Variants in FOXP4 observed in about 807,000 individuals in gnomAD.
FOXP4 encodes the protein forkhead box protein P4.
Under a neutral mutation model 82.6 loss-of-function variants are expected in FOXP4, and 25 were observed. The ratio of observed to expected loss-of-function variants is 0.30; its 90% CI spans 0.22 to 0.42. FOXP4 has a LOEUF of 0.42. FOXP4 is among the 10% of genes least tolerant of loss of function. The pLI, the probability that FOXP4 is intolerant of heterozygous loss-of-function variation, is 1.00. For synonymous variants in FOXP4, 415 were observed against 388.2 expected (o/e 1.07, Z -0.81); for missense variants, 785 against 900.9 (o/e 0.87, Z 1.65).
chr6:41,561,798 C>T (rs1385836438), intron 1 of FOXP4, among the ~76,000 whole-genome samples: 3 of 152,160 alleles, frequency 2.0e-5, no homozygotes, highest in Admixed American at 6.5e-5. Context: ...TGAGAAGAGA[C>T]CTTCAGGACC....
intron 5 of FOXP4, among the ~76,000 whole-genome samples, chr6:41,586,023 A>T (rs1581768280): frequency 6.7e-6 from 1 of 149,540 alleles, no homozygotes; most frequent in Non-Finnish European, 1.5e-5. Flanking sequence ...TACATCCCCT[A>T]CCCCATCGGA....
intron 1 of FOXP4, among the ~76,000 whole-genome samples, chr6:41,549,455 C>CGGAA (rs1763874052): frequency 6.6e-6 from 1 of 152,126 alleles, no homozygotes; most frequent in Non-Finnish European, 1.5e-5. Context: ...CGAAAACTTC[C>CGGAA]GTTCTGGCTG....
In FOXP4 at chr6:41,599,100, T is replaced by A; in HGVS notation, c.*164T>A. 1 of 952,072 alleles carries A rather than the reference T, an allele frequency of 1.1e-6. No homozygotes were observed. The highest frequency in any genetic ancestry group is 1.5e-6 in the Non-Finnish European group (1 of 652,880). The allele number at this position is 952,072 out of a possible 1,614,324, so 59.0% of individuals were successfully genotyped here. A position where few individuals can be genotyped will look rare whatever the true frequency, so the allele number is the denominator to read the frequency against. On this transcript the variant is annotated 3_prime_UTR_variant, in exon 17 of 17. Coordinates refer to ENST00000307972, the MANE Select transcript of FOXP4 (RefSeq NM_001012426.2). ...CCCAGTGTGACCTGACAAAAACACG[T>A]AGGGGCAGGGACGGTCCCCACCCCC...
At chr6:41,547,777 A>ACCCCCCCCCC (rs150273164) in intron 1 of FOXP4, among the ~76,000 whole-genome samples, 3 of 133,332 alleles carry the variant, frequency 2.3e-5, no homozygotes, top group South Asian at 2.5e-4. Flanking sequence ...ACCGAGCAGG[A>ACCCCCCCCCC]CCCCCCCCCG....
At chr6:41,584,335 G>A (rs996511253) in intron 3 of FOXP4, among the ~76,000 whole-genome samples, 2 of 152,218 alleles carry the variant, frequency 1.3e-5, no homozygotes, top group Non-Finnish European at 2.9e-5. Flanking sequence ...AATAGACTGC[G>A]TGAGACTATG....
chr6:41,599,316 A>C lies in FOXP4; in HGVS notation c.*380A>C. 1.2e-5 allele frequency: 2 copies of C among 169,686 alleles called. No homozygotes were observed. Among genetic ancestry groups the C allele is most frequent in the East Asian group, 1.7e-4 (1 of 5,806 alleles). 10.5% of individuals were successfully genotyped at this position (169,686 alleles called of 1,614,324 possible). On this transcript the variant is annotated 3_prime_UTR_variant, in exon 17 of 17. Transcript: ENST00000307972. The stretch of plus-strand genomic sequence containing the variant: ...GCAGGCGGGGCTTAGCCACCCCTCA[A>C]ACCCAGGGCCCCCTGGCACCTGGCT...
chr6:41,591,791 G>T lies in FOXP4; in HGVS notation c.1536+469G>T, dbSNP rs17704650. Among the ~76,000 whole-genome samples the T allele has an allele frequency of 0.024, 3,652 of 152,294 alleles. 73 individuals carry two copies. Among genetic ancestry groups the T allele is most frequent in the Middle Eastern group, 0.058 (17 of 294 alleles). ...GACCAAGAGCCGTGGACCACACATT[G>T]GGGCACTGACGGCACTCACAGCCCT... is the stretch of plus-strand genomic sequence containing the variant. On this transcript the variant is annotated intron_variant, in intron 13 of 16. Coordinates refer to ENST00000307972, the MANE Select transcript of FOXP4 (RefSeq NM_001012426.2). This position sits in a 1 kb window ranked among gnomAD's most constrained non-coding sequence, Gnocchi z 4.2.
chr6:41,592,514 C>G (rs910434021), intron 13 of FOXP4, among the ~76,000 whole-genome samples: 2 of 152,238 alleles, frequency 1.3e-5, no homozygotes, highest in African/African-American at 2.4e-5. Flanking sequence ...AGTCTCCAAC[C>G]TCCAAGTCAG....
At position 41,584,798 on chromosome 6, in the gene FOXP4, G is replaced by A. The variant is rs745997904; in HGVS notation, c.330G>A (p.Pro110=). The part of the protein sequence containing the change: ...QVPVSVAMMS[P]QMLTPQQMQQ... ...CTGTGTCGGTGGCCATGATGTCGCC[G>A]CAGATGCTTACCCCGCAACAGATGC... The change falls in exon 4 of 17, where the codon CCG becomes CCA. Residue 110 remains proline, a synonymous_variant. Transcript: ENST00000307972. 1.9e-5 allele frequency: 30 copies of A among 1,599,920 alleles called. No homozygotes were observed. The highest frequency in any genetic ancestry group is 2.7e-5 in the African/African-American group (2 of 74,620).
Position 41,590,366 on chromosome 6 carries a change from A to G in FOXP4, c.1434+19A>G. The G allele has an allele frequency of 3.1e-6, 5 of 1,612,674 alleles. No homozygotes were observed. The highest frequency in any genetic ancestry group is 4.2e-6 in the Non-Finnish European group (5 of 1,179,532). On this transcript the variant is annotated intron_variant, in intron 12 of 16. Transcript: ENST00000307972. ...CCGCCAGGTGAGCAGGGCAGGTAGG[A>G]GGAGGGTGGGGAATGGCACACAGGC...
intron 1 of FOXP4, 104 bp from the exon 2 acceptor site, chr6:41,565,641 C>G: frequency 1.9e-6 from 2 of 1,049,546 alleles, no homozygotes; most frequent in East Asian, 2.4e-5. Context: ...GAAGTAGATG[C>G]CCAGCTACTC....
chr6:41,598,049 C>T, intron 16 of FOXP4, 99 bp downstream of exon 16: 2 of 981,004 alleles, frequency 2.0e-6, no homozygotes, highest in Non-Finnish European at 1.4e-6. Flanking sequence ...CATCCCACCC[C>T]CACCACGCCT....
At chr6:41,553,329 G>GAA (rs2127311628) in intron 1 of FOXP4, among the ~76,000 whole-genome samples, 1 of 152,168 alleles carries the variant, frequency 6.6e-6, no homozygotes, top group African/African-American at 2.4e-5. Context: ...CGTTGGGAGA[G>GAA]AGAGCTCCGC....
chr6:41,570,891 G>T (rs1164278093), intron 2 of FOXP4, among the ~76,000 whole-genome samples: 1 of 152,166 alleles, frequency 6.6e-6, no homozygotes, highest in African/African-American at 2.4e-5. Flanking sequence ...TTTCCCCTGG[G>T]GGAGCACCTT....
chr6:41,564,913 C>T (rs568610851), intron 1 of FOXP4, among the ~76,000 whole-genome samples: 1 of 152,304 alleles, frequency 6.6e-6, no homozygotes, highest in South Asian at 2.1e-4. Flanking sequence ...ATAATTGTTG[C>T]TTTGGACCTT....
intron 2 of FOXP4, among the ~76,000 whole-genome samples, chr6:41,567,722 A>G (rs1176371933): frequency 6.6e-6 from 1 of 152,220 alleles, no homozygotes; most frequent in African/African-American, 2.4e-5. Flanking sequence ...GGGTGGGGAA[A>G]GACAGAACTG....
rs749742109 is a variant in FOXP4, at chr6:41,597,784, G to T, written c.1729G>T (p.Ala577Ser). The change falls in exon 16 of 17, where the codon GCC becomes TCC. Residue 577 changes from alanine to serine, a missense_variant. Physicochemically the swap from Ala to Ser is moderately conservative, Grantham distance 99. Transcript: ENST00000307972. ...YGALNASYQAALAESSFPLLN... is the reference protein window; with the variant it reads ...YGALNASYQASLAESSFPLLN... ...GCCCAACCCTGTGCCCCTGCAGGCCGCCCTGGCCGAGAGCAGCTTCCCCCT... is the reference window on the plus strand; with the variant it reads ...GCCCAACCCTGTGCCCCTGCAGGCCTCCCTGGCCGAGAGCAGCTTCCCCCT... The T allele has an allele frequency of 6.2e-7, 1 of 1,606,062 alleles. No individual in the cohort carries two copies. The highest frequency in any genetic ancestry group is 8.5e-7 in the Non-Finnish European group (1 of 1,179,024).
rs547728149 is a variant in FOXP4 at position 41,577,143 on chromosome 6, A to C, written c.205-843A>C. ...GACCCACTGGAGTGATTCCTCCAGC[A>C]ATCTCCATATGCCTCCCACTCGTAT... On this transcript the variant is annotated intron_variant, in intron 2 of 16. Transcript: ENST00000307972. 9.9e-5 allele frequency among the ~76,000 whole-genome samples: 15 copies of C among 151,794 alleles called. No homozygotes were observed. The South Asian group carries it at 3.1e-3, about 32-fold the overall frequency.
chr6:41,589,707 G>C (rs1238570007), intron 9 of FOXP4, 64 bp from the exon 10 acceptor site: 17 of 1,525,258 alleles, frequency 1.1e-5, no homozygotes, highest in Non-Finnish European at 1.5e-5. Context: ...CGGTGGAGGG[G>C]TGGGACAACA....
Sources: allele counts gnomAD v4.1 joint callset (sites outside exome capture counted in the v4.1 genomes callset), GRCh38; gene constraint gnomAD v4.1.1; non-coding constraint Gnocchi (gnomAD v3.1); transcripts MANE v1.5; gene names NCBI Gene and HGNC (gene_info 2026-07-23, HGNC 2026-07-21).